The following DENND1B variants were observed in gnomAD, a reference collection of about 807,000 sequenced individuals.
DENND1B encodes the protein DENN domain-containing protein 1B.
A neutral mutation model predicts 90.1 loss-of-function variants in DENND1B; 59 were observed. That is an observed-to-expected ratio of 0.65 (90% CI 0.53 to 0.81). DENND1B has a LOEUF of 0.81. Ranked by LOEUF, DENND1B falls within the 40% of genes least tolerant of loss-of-function variation. The pLI is 0.00. For synonymous variants in DENND1B, 337 were observed against 324.6 expected, an observed-to-expected ratio of 1.04 and a Z score of -0.41; for missense variants, 862 against 912.6, an observed-to-expected ratio of 0.94 and a Z score of 0.71.
chr1:197,568,196 C>T (rs1672853328), intron 15 of DENND1B, among the ~76,000 whole-genome samples: 1 of 151,940 alleles, frequency 6.6e-6, no homozygotes, highest in African/African-American at 2.4e-5. Flanking sequence ...TAAAAAGTAG[C>T]ATTTGTATAC....
intron 20 of DENND1B, among the ~76,000 whole-genome samples, chr1:197,519,210 G>C (rs2125608386): frequency 6.6e-6 from 1 of 151,846 alleles, no homozygotes; most frequent in African/African-American, 2.4e-5. Context: ...TAATTAATGA[G>C]CTAATTAAAA....
intron 15 of DENND1B, among the ~76,000 whole-genome samples, chr1:197,573,345 G>A (rs1195385167): frequency 6.6e-6 from 1 of 151,894 alleles, no homozygotes; most frequent in Admixed American, 6.6e-5. Flanking sequence ...TTGTGTCTTT[G>A]TTCTCGTTGG....
chr1:197,587,938 A>G (rs911219243), intron 14 of DENND1B, among the ~76,000 whole-genome samples: 1 of 152,046 alleles, frequency 6.6e-6, no homozygotes, highest in African/African-American at 2.4e-5. Context: ...GGAGCATGCA[A>G]CCTAGATCCC....
intron 6 of DENND1B, among the ~76,000 whole-genome samples, chr1:197,657,213 G>T (rs767668027): frequency 1.2e-4 from 18 of 152,128 alleles, no homozygotes; most frequent in Non-Finnish European, 2.2e-4. Flanking sequence ...GGACTCTTAC[G>T]ATTCAACAAC....
intron 2 of DENND1B, among the ~76,000 whole-genome samples, chr1:197,717,461 A>G (rs1428427200): frequency 6.6e-6 from 1 of 151,970 alleles, no homozygotes; most frequent in Non-Finnish European, 1.5e-5. Context: ...ATCGTAATTA[A>G]AGAAAAAAAT....
At position 197,775,127 on chromosome 1, in the gene DENND1B, C is replaced by T; in HGVS notation, c.17+12G>A. On this transcript the variant is annotated intron_variant, in intron 1 of 22. Transcript: ENST00000620048. ...ACGCCCGCCCCCGACGCGCCCGGGC[C>T]CCCCCACTCACTTGGTCCTGCAGTC... 7.8e-7 allele frequency: 1 copy of T among 1,283,638 alleles called. No individual in the cohort carries two copies. The highest frequency in any genetic ancestry group is 2.7e-5 in the South Asian group (1 of 36,464). 79.5% of individuals were successfully genotyped at this position (1,283,638 alleles called of 1,614,324 possible). A position where few individuals can be genotyped will look rare whatever the true frequency, so the allele number is the denominator to read the frequency against.
intron 20 of DENND1B, among the ~76,000 whole-genome samples, chr1:197,520,728 A>G (rs1447684732): frequency 6.6e-6 from 1 of 152,000 alleles, no homozygotes. Flanking sequence ...AAACAAAATA[A>G]GCAAAGTTTT....
At chr1:197,605,688 G>A (rs1308045774) in intron 13 of DENND1B, 1 of 150,956 alleles carries the variant, frequency 6.6e-6, no homozygotes, top group Non-Finnish European at 1.5e-5. Context: ...ATTTTATAAT[G>A]AGGTAATCTA....
chr1:197,642,635 T>C (rs978792436), intron 10 of DENND1B, 76 bp downstream of exon 10: 1 of 1,016,650 alleles, frequency 9.8e-7, no homozygotes, highest in African/African-American at 1.6e-5. Flanking sequence ...AGCACATTTC[T>C]AAATCTGCAA....
intron 5 of DENND1B, among the ~76,000 whole-genome samples, chr1:197,662,751 C>T (rs1164191801): frequency 6.6e-6 from 1 of 152,100 alleles, no homozygotes; most frequent in Middle Eastern, 3.4e-3. Context: ...GCATTTCAGG[C>T]AGCTAAATGA....
chr1:197,609,012 T>C (rs954455897), intron 12 of DENND1B, among the ~76,000 whole-genome samples: 2 of 150,312 alleles, frequency 1.3e-5, no homozygotes, highest in African/African-American at 4.9e-5. Context: ...CACTATTTCA[T>C]CTATTTTTTC....
chr1:197,595,685 A>G (rs1264871861), intron 13 of DENND1B, among the ~76,000 whole-genome samples: 1 of 152,092 alleles, frequency 6.6e-6, no homozygotes, highest in Non-Finnish European at 1.5e-5. Context: ...GAAGCAGGTT[A>G]GGTTTTGTTC....
At chr1:197,590,120 C>T (rs573085951) in intron 14 of DENND1B, among the ~76,000 whole-genome samples, 1 of 152,010 alleles carries the variant, frequency 6.6e-6, no homozygotes, top group Non-Finnish European at 1.5e-5. Flanking sequence ...TGGAAAGATG[C>T]TTTGTTTGTG....
At chr1:197,736,313 G>A (rs1239521948) in intron 2 of DENND1B, among the ~76,000 whole-genome samples, 3 of 152,010 alleles carry the variant, frequency 2.0e-5, no homozygotes, top group Non-Finnish European at 4.4e-5. Context: ...GGGATTAAAT[G>A]GTTTGCCCAA....
At chr1:197,676,632 T>C (rs895876930) in intron 3 of DENND1B, among the ~76,000 whole-genome samples, 3 of 152,126 alleles carry the variant, frequency 2.0e-5, no homozygotes, top group African/African-American at 2.4e-5. Flanking sequence ...AAAGAGTATA[T>C]TGGCTAACAC....
intron 2 of DENND1B, among the ~76,000 whole-genome samples, chr1:197,770,651 T>C (rs113119984): frequency 1.1e-4 from 11 of 99,182 alleles, no homozygotes; most frequent in South Asian, 9.4e-4. Flanking sequence ...TCTATAAATA[T>C]ATATCTATAA....
chr1:197,517,068 G>A lies in DENND1B; in HGVS notation c.1516-4115C>T, dbSNP rs117145204. Reference sequence around the variant, plus strand: ...GTCTGCCTGCACCACTACACTCAGAGCTCTCTATAAGTGGGATTCAAATTT... The same window carrying A: ...GTCTGCCTGCACCACTACACTCAGAACTCTCTATAAGTGGGATTCAAATTT... On this transcript the variant is annotated intron_variant, in intron 20 of 22. Coordinates refer to ENST00000620048, the MANE Select transcript of DENND1B (RefSeq NM_001195215.2). 8.5e-4 allele frequency among the ~76,000 whole-genome samples: 129 copies of A among 151,914 alleles called. No individual in the cohort carries two copies. The East Asian group carries it at 0.016, about 19-fold the overall frequency.
intron 2 of DENND1B, among the ~76,000 whole-genome samples, chr1:197,763,424 G>A (rs936296127): frequency 6.6e-6 from 1 of 152,006 alleles, no homozygotes; most frequent in Non-Finnish European, 1.5e-5. Flanking sequence ...TTCTTTAAAA[G>A]CCATCTCAGT....
intron 14 of DENND1B, among the ~76,000 whole-genome samples, chr1:197,590,831 T>A (rs1571993067): frequency 6.6e-6 from 1 of 152,150 alleles, no homozygotes; most frequent in African/African-American, 2.4e-5. Flanking sequence ...GGTCCTTTCT[T>A]CCTCTTCTTC....
Sources: gnomAD v4.1 joint callset for allele counts (sites outside exome capture counted in the v4.1 genomes callset) on GRCh38, gnomAD v4.1.1 for gene constraint, MANE v1.5 for transcripts, NCBI Gene and HGNC (gene_info 2026-07-23, HGNC 2026-07-21) for gene names.